SAAL1: variants seen among roughly 807,000 people sequenced by gnomAD.
SAAL1 encodes serum amyloid A like 1.
In SAAL1, 42 loss-of-function variants were observed where a neutral mutation model predicts 59.8. That is an observed-to-expected ratio of 0.70 (90% confidence interval 0.55 to 0.91). The LOEUF (loss-of-function observed/expected upper bound fraction) is 0.91, where lower values mean the gene tolerates loss of function less well. Among genes scored for constraint, SAAL1 ranks in the 40% least tolerant of loss-of-function variants. The pLI, the probability that SAAL1 is intolerant of heterozygous loss-of-function variation, is 0.00. For missense variants in SAAL1, 542 were observed against 561.1 expected, an observed-to-expected ratio of 0.97 and a Z score of 0.34; for synonymous variants, 191 against 194.3, an observed-to-expected ratio of 0.98 and a Z score of 0.14.
At chr11:18,092,515 C>T (rs150029210) in intron 3 of SAAL1, among the ~76,000 whole-genome samples, 191 bp from the exon 4 acceptor site, 20 of 152,138 alleles carry the variant, frequency 1.3e-4, no homozygotes, top group Admixed American at 5.2e-4. Flanking sequence ...GGATGAAAAA[C>T]GTAAGAACAA....
rs11024486 is a variant in SAAL1 at position 18,102,083 on chromosome 11, A to G, written c.249+1150T>C. On this transcript the variant is annotated intron_variant, in intron 2 of 11. Transcript: ENST00000524803. ...TATGCGCTGTATCCTGATTACAGTG[A>G]CAGCTTAATCTGCGTACACATCCGT... Among the ~76,000 whole-genome samples the G allele has an allele frequency of 0.012, 1,899 of 152,272 alleles. 110 individuals are homozygous for G. In the East Asian group the frequency reaches 0.19, roughly 15 times the overall value.
chr11:18,087,211 T>A lies in SAAL1; in HGVS notation c.785A>T (p.Glu262Val), dbSNP rs766227780. The change falls in exon 8 of 12, where the codon GAA becomes GTA. Residue 262 changes from glutamate to valine, a missense_variant. Coordinates refer to ENST00000524803, the MANE Select transcript of SAAL1 (RefSeq NM_138421.3). ...AATGTGCATGTAAACATCAAGCCAT[T>A]CTGGATTTTCAGAACTAAATAGGAA... ...AAKQVRSENP[E>V]WLDVYMHILQ... 15 of 1,611,694 alleles carry A rather than the reference T, an allele frequency of 9.3e-6. No individual in the cohort carries two copies. Among genetic ancestry groups the A allele is most frequent in the Non-Finnish European group, 1.2e-5 (14 of 1,177,916 alleles).
At position 18,087,163 on chromosome 11, in the gene SAAL1, T is replaced by C; in HGVS notation, c.833A>G (p.Asp278Gly). The stretch of plus-strand genomic sequence containing the variant: ...CTTACCAATTGCTTGAATTCCATCA[T>C]CCACTGTAGTAAGCAGTTGTAAAAT... ...MHILQLLTTV[D>G]DGIQAIVHCP... is the part of the protein sequence containing the mutation. Residue 278 changes from aspartate (D) to glycine (G), a missense_variant, in exon 8 of 12, where the codon GAT (aspartate) becomes GGT (glycine). Asp to Gly is a moderately conservative substitution (Grantham distance 94, BLOSUM62 -1). Coordinates refer to ENST00000524803, the MANE Select transcript of SAAL1 (RefSeq NM_138421.3). 6.2e-7 allele frequency: 1 copy of C among 1,612,976 alleles called. No homozygotes were observed. Among genetic ancestry groups the C allele is most frequent in the Non-Finnish European group, 8.5e-7 (1 of 1,178,950 alleles).
chr11:18,082,234 G>T (rs568779369), intron 10 of SAAL1, among the ~76,000 whole-genome samples: 2 of 152,066 alleles, frequency 1.3e-5, no homozygotes, highest in African/African-American at 4.8e-5. Context: ...ATATGGAAAA[G>T]ATACATTATT....
At chr11:18,101,342 G>A (rs745794830) in intron 2 of SAAL1, among the ~76,000 whole-genome samples, 10 of 152,120 alleles carry the variant, frequency 6.6e-5, no homozygotes, top group African/African-American at 4.8e-5. Flanking sequence ...TAATCCCCAC[G>A]TATCAAGGGC....
rs573000919 is a variant in SAAL1, at chr11:18,097,684, C to T, written c.250-830G>A. ...TGAAAACCCATATCCACAAAAAATA[C>T]GAAAATTAGCCAGGTGTGGTGGCAC... On this transcript the variant is annotated intron_variant, in intron 2 of 11. Coordinates refer to ENST00000524803, the MANE Select transcript of SAAL1 (RefSeq NM_138421.3). 2.2e-4 allele frequency among the ~76,000 whole-genome samples: 34 copies of T among 152,028 alleles called. No individual in the cohort carries two copies. In the East Asian group the frequency reaches 3.1e-3, roughly 14 times the overall value.
At chr11:18,081,750 A>G (rs1013292710) in intron 10 of SAAL1, 1 of 420,806 alleles carries the variant, frequency 2.4e-6, no homozygotes, top group Non-Finnish European at 4.3e-6. Context: ...CACAGCCAAG[A>G]CTTTTCCTTC....
intron 3 of SAAL1, among the ~76,000 whole-genome samples, chr11:18,094,822 A>AC (rs1286486829): frequency 6.6e-6 from 1 of 152,176 alleles, no homozygotes; most frequent in Non-Finnish European, 1.5e-5. Context: ...GCAGAAAAAA[A>AC]CCACATACAT....
rs778541168 is a variant in SAAL1, at chr11:18,083,718, T to C, written c.1056A>G (p.Leu352=). 1.2e-6 allele frequency: 2 copies of C among 1,605,836 alleles called. No homozygotes were observed. The highest frequency in any genetic ancestry group is 1.7e-6 in the Non-Finnish European group (2 of 1,176,384). The part of the protein sequence containing the change: ...YLKIEKVDLP[L]IDSLIRVLQN... ...GTAAGACCCGAATGAGGCTGTCAAT[T>C]AGAGGAAGATCTACTGTATAAACAA... Residue 352 remains leucine, a synonymous_variant, in exon 10 of 12, where the codon CTA becomes CTG. Transcript: ENST00000524803.
chr11:18,095,218 G>A (rs1848560704), intron 3 of SAAL1, among the ~76,000 whole-genome samples: 1 of 152,186 alleles, frequency 6.6e-6, no homozygotes, highest in South Asian at 2.1e-4. Flanking sequence ...ACGGTGGCCA[G>A]CGGATATAAT....
At chr11:18,091,278 T>C (rs924792160) in intron 4 of SAAL1, among the ~76,000 whole-genome samples, 1 of 152,196 alleles carries the variant, frequency 6.6e-6, no homozygotes, top group African/African-American at 2.4e-5. Context: ...CAAATTTATA[T>C]CCCATCAGCA....
intron 1 of SAAL1, among the ~76,000 whole-genome samples, chr11:18,104,695 A>C (rs1014245953): frequency 6.6e-6 from 1 of 152,222 alleles, no homozygotes; most frequent in African/African-American, 2.4e-5. Context: ...GGAAAGCACA[A>C]GAGTTCAGAG....
At chr11:18,093,165 C>T (rs998373571) in intron 3 of SAAL1, among the ~76,000 whole-genome samples, 3 of 152,122 alleles carry the variant, frequency 2.0e-5, no homozygotes, top group Non-Finnish European at 2.9e-5. Context: ...GGATATCTCA[C>T]AGGGCTTGTG....
chr11:18,081,344 T>C, intron 11 of SAAL1, 67 bp downstream of exon 11: 1 of 1,069,168 alleles, frequency 9.4e-7, no homozygotes, highest in Non-Finnish European at 1.4e-6. Flanking sequence ...CGAAATCAAG[T>C]GCTTACTTGA....
chr11:18,095,213 G>A (rs892391761), intron 3 of SAAL1, among the ~76,000 whole-genome samples: 1 of 152,148 alleles, frequency 6.6e-6, no homozygotes, highest in Admixed American at 6.5e-5. Flanking sequence ...AGCAGACGGT[G>A]GCCAGCGGAT....
Position 18,089,376 on chromosome 11 carries a change from C to G in SAAL1, c.724G>C (p.Val242Leu). 1 of 1,598,940 alleles carries G rather than the reference C, an allele frequency of 6.3e-7. No homozygotes were observed. Among genetic ancestry groups the G allele is most frequent in the Non-Finnish European group, 8.5e-7 (1 of 1,175,582 alleles). The change falls in exon 7 of 12, where the codon GTG becomes CTG. Residue 242 changes from valine (V) to leucine (L), a missense_variant. Transcript: ENST00000524803. ...QPQEESEEQP[V>L]FRLVPCILEA... is the part of the protein sequence containing the mutation. Reference sequence around the variant, plus strand: ...AGTATACAGGGCACAAGCCGAAACACTGGCTGCTCTTCAGACTCTTCCTGG... The same window carrying G: ...AGTATACAGGGCACAAGCCGAAACAGTGGCTGCTCTTCAGACTCTTCCTGG...
intron 1 of SAAL1, 113 bp downstream of exon 1, chr11:18,105,794 G>C: frequency 7.5e-7 from 1 of 1,328,780 alleles, no homozygotes; most frequent in South Asian, 1.5e-5. Flanking sequence ...CGCACGCCTG[G>C]GGAGGGGTCT....
intron 1 of SAAL1, 146 bp from the exon 2 acceptor site, chr11:18,103,492 T>C (rs755939209): frequency 3.0e-6 from 2 of 669,404 alleles, no homozygotes; most frequent in Non-Finnish European, 5.3e-6. Context: ...ACTGTCTGTG[T>C]GGAGTTTGCA....
chr11:18,083,305 C>A, intron 10 of SAAL1: 1 of 309,550 alleles, frequency 3.2e-6, no homozygotes, highest in East Asian at 5.6e-5. Context: ...ATGAAAAATG[C>A]ATTTATAAAA....
Sources: gnomAD v4.1 joint callset for allele counts (sites outside exome capture counted in the v4.1 genomes callset) on GRCh38, gnomAD v4.1.1 for gene constraint, MANE v1.5 for transcripts, NCBI Gene and HGNC (gene_info 2026-07-23, HGNC 2026-07-21) for gene names.